The following CNTLN variants were observed in gnomAD, a reference collection of about 807,000 sequenced individuals.
CNTLN encodes the protein centlein, centrosomal protein.
Under a neutral mutation model 180.0 loss-of-function variants are expected in CNTLN, and 212 were observed. That is an observed-to-expected ratio of 1.18 (90% confidence interval 1.05 to 1.32). The LOEUF is 1.32. Ranked by LOEUF, CNTLN falls within the 40% of genes most tolerant of loss-of-function variation. CNTLN has a pLI of 0.00. For synonymous variants in CNTLN, 722 were observed against 563.1 expected (o/e 1.28, Z -3.99); for missense variants, 2,095 against 1,610.9 (o/e 1.30, Z -5.14).
intron 25 of CNTLN, chr9:17,494,892 T>G (rs770167791): frequency 2.6e-5 from 10 of 378,518 alleles, no homozygotes; most frequent in Non-Finnish European, 5.1e-6. Context: ...TTTTTTTTTT[T>G]TTTTTTGGTC....
intron 2 of CNTLN, among the ~76,000 whole-genome samples, chr9:17,170,042 T>C (rs72700162): frequency 1.2e-4 from 19 of 152,328 alleles, no homozygotes; most frequent in Non-Finnish European, 2.6e-4. Flanking sequence ...TTTTTCCAGT[T>C]ATTTGTGTCT....
intron 19 of CNTLN, among the ~76,000 whole-genome samples, chr9:17,460,097 T>C (rs1194909161): frequency 6.6e-6 from 1 of 151,738 alleles, no homozygotes. Context: ...ATCCAGTTAA[T>C]ATTAGACTTT....
intron 2 of CNTLN, among the ~76,000 whole-genome samples, chr9:17,151,788 C>T (rs1276675050): frequency 2.6e-5 from 4 of 152,076 alleles, no homozygotes; most frequent in Non-Finnish European, 5.9e-5. Flanking sequence ...TCCATCTAGT[C>T]CTTGACTTTT....
intron 10 of CNTLN, among the ~76,000 whole-genome samples, chr9:17,333,291 T>C (rs1037698237): frequency 1.3e-5 from 2 of 152,156 alleles, no homozygotes; most frequent in African/African-American, 4.8e-5. Context: ...ATATTAATAC[T>C]TCCTAATTCA....
At chr9:17,471,928 C>G (rs1259081965) in intron 23 of CNTLN, among the ~76,000 whole-genome samples, 7 of 151,938 alleles carry the variant, frequency 4.6e-5, no homozygotes, top group Admixed American at 4.6e-4. Context: ...CAAGTGTGAC[C>G]TTATAAAAAT....
chr9:17,485,332 T>G (rs1324329571), intron 24 of CNTLN, among the ~76,000 whole-genome samples: 1 of 152,090 alleles, frequency 6.6e-6, no homozygotes, highest in Non-Finnish European at 1.5e-5. Flanking sequence ...ATAGAGCAAA[T>G]CTACAATATG....
At chr9:17,267,369 C>CA (rs1827553278) in intron 5 of CNTLN, among the ~76,000 whole-genome samples, 1 of 152,126 alleles carries the variant, frequency 6.6e-6, no homozygotes, top group Non-Finnish European at 1.5e-5. Context: ...TATAGGCCCC[C>CA]ACTCTCTTCT....
At chr9:17,251,995 C>G (rs12238753) in intron 5 of CNTLN, among the ~76,000 whole-genome samples, 33,734 of 151,632 alleles carry the variant, frequency 0.22, 5,018 homozygotes, top group African/African-American at 0.42. Flanking sequence ...CAGTATTTGT[C>G]TTTCTCTGCC....
intron 5 of CNTLN, among the ~76,000 whole-genome samples, chr9:17,239,297 G>A (rs904516717): frequency 2.0e-5 from 3 of 152,106 alleles, no homozygotes; most frequent in East Asian, 1.9e-4. Flanking sequence ...GGGAAATGAC[G>A]GTGAGCATCT....
At position 17,457,688 on chromosome 9, in the gene CNTLN, A is replaced by G; in HGVS notation, c.3279A>G (p.Glu1093=). The G allele has an allele frequency of 6.7e-7, 1 of 1,499,852 alleles. No individual in the cohort carries two copies. Among genetic ancestry groups the G allele is most frequent in the Non-Finnish European group, 8.9e-7 (1 of 1,122,238 alleles). 92.9% of individuals were successfully genotyped at this position (1,499,852 alleles called of 1,614,324 possible). A position where few individuals can be genotyped will look rare whatever the true frequency, so the allele number is the denominator to read the frequency against. Residue 1093 remains glutamate, a synonymous_variant, in exon 19 of 26, where the codon GAA becomes GAG. Coordinates refer to ENST00000380647, the MANE Select transcript of CNTLN (RefSeq NM_017738.4). ...GTCCTTCAAGGAGCATGGATTTGGA[A>G]ATGAAGCAATTGCAGTATAAACTAA... ...SLSPSRSMDL[E]MKQLQYKLKN...
intron 8 of CNTLN, among the ~76,000 whole-genome samples, chr9:17,312,364 T>TATATATATATATATATATA (rs369729227): frequency 2.0e-4 from 4 of 20,182 alleles, no homozygotes; most frequent in African/African-American, 4.6e-4. Context: ...TATATATATA[T>TATATATATATATATATATA]TATATATATA....
chr9:17,319,057 G>A (rs1005149090), intron 8 of CNTLN, among the ~76,000 whole-genome samples: 2 of 152,222 alleles, frequency 1.3e-5, no homozygotes, highest in Non-Finnish European at 2.9e-5. Context: ...ATAGGAACCT[G>A]TGGAAAGAAG....
intron 19 of CNTLN, among the ~76,000 whole-genome samples, chr9:17,458,221 GAA>G (rs372988826): frequency 1.5e-5 from 2 of 133,220 alleles, no homozygotes; most frequent in African/African-American, 2.9e-5. Context: ...TGAGAGGAGA[GAA>G]AAAAAAAAAA....
chr9:17,205,856 C>T (rs1822883990), intron 2 of CNTLN, among the ~76,000 whole-genome samples: 1 of 152,152 alleles, frequency 6.6e-6, no homozygotes, highest in Non-Finnish European at 1.5e-5. Flanking sequence ...ACTATTTAAT[C>T]AGCAGGCAGA....
chr9:17,457,407 T>C, intron 18 of CNTLN, 117 bp from the exon 19 acceptor site: 1 of 567,662 alleles, frequency 1.8e-6, no homozygotes, highest in Non-Finnish European at 2.6e-6. Flanking sequence ...TAACTATAAT[T>C]AATTTCAGTT....
intron 8 of CNTLN, among the ~76,000 whole-genome samples, chr9:17,323,470 A>C (rs1820058665): frequency 6.6e-6 from 1 of 152,200 alleles, no homozygotes; most frequent in African/African-American, 2.4e-5. Context: ...GAGTAGAAGC[A>C]CAAGCTCCTC....
chr9:17,396,061 G>T (rs758807046), intron 15 of CNTLN, among the ~76,000 whole-genome samples: 20 of 152,116 alleles, frequency 1.3e-4, no homozygotes, highest in Non-Finnish European at 2.8e-4. Context: ...GGCTACACTC[G>T]CACCAGCGCC....
chr9:17,353,989 A>G (rs7868700), intron 12 of CNTLN, among the ~76,000 whole-genome samples: 90,952 of 151,960 alleles, frequency 0.6, 27,463 homozygotes, highest in East Asian at 0.73. Flanking sequence ...GGCCAGCTGG[A>G]GTTTCGGGTG....
intron 18 of CNTLN, among the ~76,000 whole-genome samples, chr9:17,434,245 C>G (rs972398932): frequency 1.3e-5 from 2 of 151,660 alleles, no homozygotes; most frequent in African/African-American, 4.8e-5. Context: ...TTATTTATTT[C>G]TGCTCTTATC....
Sources: allele counts gnomAD v4.1 joint callset (sites outside exome capture counted in the v4.1 genomes callset), GRCh38; gene constraint gnomAD v4.1.1; transcripts MANE v1.5; gene names NCBI Gene and HGNC (gene_info 2026-07-23, HGNC 2026-07-21).